Variants in GRID1 observed in about 807,000 individuals in gnomAD.
GRID1 encodes the protein glutamate ionotropic receptor delta type subunit 1.
A neutral mutation model predicts 98.0 loss-of-function variants in GRID1; 28 were observed. That is an observed-to-expected ratio of 0.29 (90% CI 0.21 to 0.39). GRID1 has a LOEUF of 0.39. Among genes scored for constraint, GRID1 ranks in the 10% least tolerant of loss-of-function variants. GRID1 has a pLI of 1.00. For missense variants in GRID1, 1,111 were observed against 1,340.5 expected, an observed-to-expected ratio of 0.83 and a Z score of 2.67; for synonymous variants, 553 against 538.5, an observed-to-expected ratio of 1.03 and a Z score of -0.37.
At chr10:86,213,648 T>G (rs1013964281) in intron 2 of GRID1, among the ~76,000 whole-genome samples, 2 of 152,092 alleles carry the variant, frequency 1.3e-5, no homozygotes, top group Admixed American at 6.5e-5. Flanking sequence ...ATTCCTTGCA[T>G]GTTTGACCCA....
rs552470225 is a variant in GRID1, at chr10:85,719,077, C to T, written c.1997+3926G>A. On this transcript the variant is annotated intron_variant, in intron 12 of 15. Transcript: ENST00000327946. Reference sequence around the variant, plus strand: ...GTTTCACAAATCTCTAGGGCAGGGGCGAAATGCCGCTAGTCTCTTTGCTAA... The same window carrying T: ...GTTTCACAAATCTCTAGGGCAGGGGTGAAATGCCGCTAGTCTCTTTGCTAA... Among the ~76,000 whole-genome samples the T allele has an allele frequency of 3.9e-5, 6 of 152,278 alleles. No homozygotes were observed. The South Asian group carries it at 1.2e-3, about 32-fold the overall frequency.
chr10:85,914,435 A>G (rs1305237530), intron 5 of GRID1, among the ~76,000 whole-genome samples: 2 of 152,040 alleles, frequency 1.3e-5, no homozygotes, highest in Non-Finnish European at 2.9e-5. Flanking sequence ...AAGTCAGCAA[A>G]CCCCAGAGAA....
At chr10:85,701,762 T>A (rs11201736) in intron 12 of GRID1, among the ~76,000 whole-genome samples, 1 of 152,076 alleles carries the variant, frequency 6.6e-6, no homozygotes, top group East Asian at 1.9e-4. Context: ...CTCACTGATA[T>A]GTGAGAGCTA....
At chr10:86,077,951 C>A (rs980622451) in intron 4 of GRID1, among the ~76,000 whole-genome samples, 2 of 152,246 alleles carry the variant, frequency 1.3e-5, no homozygotes, top group African/African-American at 4.8e-5. Context: ...CCAAGGCTCA[C>A]TGGGAAGGAT....
At chr10:85,864,656 CA>C (rs1267245411) in intron 6 of GRID1, among the ~76,000 whole-genome samples, 13 of 152,208 alleles carry the variant, frequency 8.5e-5, no homozygotes, top group Non-Finnish European at 1.6e-4. Context: ...AACAGGTTGA[CA>C]AAAACCTTTT....
chr10:85,845,594 G>A (rs1043679298), intron 8 of GRID1, among the ~76,000 whole-genome samples: 1 of 152,132 alleles, frequency 6.6e-6, no homozygotes, highest in Non-Finnish European at 1.5e-5. Flanking sequence ...GAATCACCAA[G>A]TCTGTCTTGA....
At chr10:86,113,816 A>G (rs1247253999) in intron 4 of GRID1, among the ~76,000 whole-genome samples, 2 of 152,224 alleles carry the variant, frequency 1.3e-5, no homozygotes, top group Non-Finnish European at 2.9e-5. Flanking sequence ...TGACGGGAAA[A>G]GAAAGTAAAA....
chr10:85,899,657 T>C (rs1841351209), intron 5 of GRID1, among the ~76,000 whole-genome samples: 1 of 152,180 alleles, frequency 6.6e-6, no homozygotes, highest in Non-Finnish European at 1.5e-5. Context: ...CTCAGCAATG[T>C]GTCTTCCCTT....
At chr10:85,752,734 C>T (rs1842059627) in intron 8 of GRID1, among the ~76,000 whole-genome samples, 1 of 152,138 alleles carries the variant, frequency 6.6e-6, no homozygotes, top group Non-Finnish European at 1.5e-5. Context: ...GGAGCTGAGA[C>T]TGAGAGTTAA....
At chr10:85,869,499 C>CA (rs1843255758) in intron 5 of GRID1, among the ~76,000 whole-genome samples, 1 of 152,208 alleles carries the variant, frequency 6.6e-6, no homozygotes, top group African/African-American at 2.4e-5. Flanking sequence ...ATTAGCAAGA[C>CA]AGAAAGGCTA....
chr10:85,646,878 T>C (rs1843200437), intron 13 of GRID1: 1 of 344,038 alleles, frequency 2.9e-6, no homozygotes, highest in South Asian at 3.6e-5. Context: ...ACTCTGCTAC[T>C]GCTTTTGCCA....
intron 3 of GRID1, among the ~76,000 whole-genome samples, chr10:86,164,931 G>A (rs1845377205): frequency 6.6e-6 from 1 of 152,190 alleles, no homozygotes; most frequent in Admixed American, 6.5e-5. Flanking sequence ...GGGACCAGAA[G>A]GCAGACCAGG....
chr10:85,769,687 C>T (rs1008834100), intron 8 of GRID1, among the ~76,000 whole-genome samples: 6 of 152,184 alleles, frequency 3.9e-5, no homozygotes, highest in South Asian at 2.1e-4. Context: ...GCACCTGGCT[C>T]GGAGGGTCCT....
At chr10:85,764,844 AT>A (rs1321245466) in intron 8 of GRID1, among the ~76,000 whole-genome samples, 1 of 152,214 alleles carries the variant, frequency 6.6e-6, no homozygotes, top group Non-Finnish European at 1.5e-5. Context: ...GAATGGGAAA[AT>A]TGAAAACAAA....
chr10:86,119,743 T>C (rs1173176686), intron 4 of GRID1, among the ~76,000 whole-genome samples: 1 of 152,150 alleles, frequency 6.6e-6, no homozygotes, highest in Non-Finnish European at 1.5e-5. Context: ...AGAACACAGA[T>C]GTGAGGAGGC....
intron 12 of GRID1, among the ~76,000 whole-genome samples, chr10:85,702,504 T>C (rs1010033817): frequency 1.3e-5 from 2 of 151,946 alleles, no homozygotes; most frequent in African/African-American, 4.8e-5. Context: ...ATATAAATAA[T>C]AAGGAAATAT....
chr10:85,649,448 A>G (rs1436866629), intron 12 of GRID1, among the ~76,000 whole-genome samples: 1 of 152,090 alleles, frequency 6.6e-6, no homozygotes, highest in Non-Finnish European at 1.5e-5. Context: ...CAAGGGTTGT[A>G]ACTCTGCCGT....
chr10:85,713,652 C>A (rs1841606176), intron 12 of GRID1, among the ~76,000 whole-genome samples: 1 of 150,694 alleles, frequency 6.6e-6, no homozygotes. Flanking sequence ...AAAACATATC[C>A]CATGATCAAG....
chr10:85,676,731 G>A (rs1028161412), intron 12 of GRID1, among the ~76,000 whole-genome samples: 4 of 152,156 alleles, frequency 2.6e-5, no homozygotes, highest in African/African-American at 9.7e-5. Context: ...AATAAATCCT[G>A]GAGGTCTGAC....
Sources: gnomAD v4.1 joint callset for allele counts (sites outside exome capture counted in the v4.1 genomes callset) on GRCh38, gnomAD v4.1.1 for gene constraint, MANE v1.5 for transcripts, NCBI Gene and HGNC (gene_info 2026-07-23, HGNC 2026-07-21) for gene names.